Variants in ZFYVE28 observed in about 807,000 individuals in gnomAD.
The protein encoded by ZFYVE28 is zinc finger FYVE-type containing 28, also known as lateral signaling target protein 2 homolog.
A neutral mutation model predicts 82.1 loss-of-function variants in ZFYVE28; 40 were observed. That is an observed-to-expected ratio of 0.49 (90% CI 0.38 to 0.63). The LOEUF (loss-of-function observed/expected upper bound fraction) is 0.63, where lower values mean the gene tolerates loss of function less well. Ranked by LOEUF, ZFYVE28 falls within the 30% of genes least tolerant of loss-of-function variation. ZFYVE28 has a pLI of 0.00. For missense variants in ZFYVE28, 1,321 were observed against 1,242.1 expected, an observed-to-expected ratio of 1.06 and a Z score of -0.96; for synonymous variants, 612 against 546.1, an observed-to-expected ratio of 1.12 and a Z score of -1.68.
In ZFYVE28 at chr4:2,271,358, G is replaced by A; in HGVS notation, c.2485C>T (p.Pro829Ser). The change falls in exon 12 of 13, where the codon CCC (proline) becomes TCC (serine). Residue 829 changes from proline (P) to serine (S), a missense_variant. Transcript: ENST00000290974. ...ACGFCTACKA[P>S]FTVIRRKHHC... ...TGCTTCCGGCGGATGACGGTGAAGGGTGCTTTGCACGCCGTGCAGAAGCCA... is the reference window on the plus strand; with the variant it reads ...TGCTTCCGGCGGATGACGGTGAAGGATGCTTTGCACGCCGTGCAGAAGCCA... The A allele has an allele frequency of 6.2e-7, 1 of 1,612,806 alleles. No homozygotes were observed. The highest frequency in any genetic ancestry group is 8.5e-7 in the Non-Finnish European group (1 of 1,179,960).
In ZFYVE28 at chr4:2,409,104, C is replaced by T. The variant is rs554771370; in HGVS notation, c.39+9181G>A. 2.2e-3 allele frequency among the ~76,000 whole-genome samples: 334 copies of T among 151,752 alleles called. 4 individuals are homozygous for T. The highest frequency in any genetic ancestry group is 7.6e-3 in the African/African-American group (315 of 41,316). ...GAACGCCCCTGGCCCCCCACCCTCA[C>T]ATTCCCCGTGGAGTTGCATGGCCAT... On this transcript the variant is annotated intron_variant, in intron 1 of 12. Coordinates refer to ENST00000290974, the MANE Select transcript of ZFYVE28 (RefSeq NM_020972.3). This position sits in a 1 kb window ranked among gnomAD's most constrained non-coding sequence, Gnocchi z 4.4.
intron 1 of ZFYVE28, among the ~76,000 whole-genome samples, chr4:2,383,836 G>A (rs1728971717): frequency 6.6e-6 from 1 of 152,224 alleles, no homozygotes. Context: ...TTCTCTGTGT[G>A]TGGTGTCGCT....
At chr4:2,317,871 G>A (rs1718459696) in intron 7 of ZFYVE28, among the ~76,000 whole-genome samples, 2 of 152,294 alleles carry the variant, frequency 1.3e-5, no homozygotes, top group Admixed American at 1.3e-4. Context: ...GACCTCAGGT[G>A]ATCCATCCGC....
chr4:2,333,735 AC>A (rs1162377691), intron 6 of ZFYVE28, among the ~76,000 whole-genome samples: 2 of 152,298 alleles, frequency 1.3e-5, no homozygotes, highest in African/African-American at 4.8e-5. Flanking sequence ...GGACAAGGAG[AC>A]ACCTGTACCT....
chr4:2,386,784 A>G (rs1333450052), intron 1 of ZFYVE28, among the ~76,000 whole-genome samples: 3 of 152,238 alleles, frequency 2.0e-5, no homozygotes, highest in Non-Finnish European at 4.4e-5. Context: ...CAGGTATTTC[A>G]TTAAAGCAAC....
At chr4:2,383,990 AC>A (rs1344602622) in intron 1 of ZFYVE28, among the ~76,000 whole-genome samples, 1 of 152,214 alleles carries the variant, frequency 6.6e-6, no homozygotes, top group Non-Finnish European at 1.5e-5. Context: ...TGTCCCCATC[AC>A]CCTGAAGTGT....
Position 2,376,064 on chromosome 4 carries a change from G to T in ZFYVE28, c.40-21991C>A, listed in dbSNP as rs1229606597. ...AATTTTTTGTATTTTTAGTAGAGAC[G>T]AGGTTTCACCATGTTGGCCAGGATG... On this transcript the variant is annotated intron_variant, in intron 1 of 12. Coordinates refer to ENST00000290974, the MANE Select transcript of ZFYVE28 (RefSeq NM_020972.3). Among the ~76,000 whole-genome samples the T allele has an allele frequency of 6.6e-5, 10 of 151,854 alleles. No homozygotes were observed. In the East Asian group the frequency reaches 2.0e-3, roughly 30 times the overall value.
At chr4:2,367,339 G>A (rs1726989733) in intron 1 of ZFYVE28, among the ~76,000 whole-genome samples, 1 of 151,456 alleles carries the variant, frequency 6.6e-6, no homozygotes, top group Non-Finnish European at 1.5e-5. Context: ...CACTGTGCTA[G>A]CAGGGTGCCC....
intron 11 of ZFYVE28, 46 bp from the exon 12 acceptor site, chr4:2,271,460 T>C: frequency 6.3e-7 from 1 of 1,592,892 alleles, no homozygotes; most frequent in Non-Finnish European, 8.6e-7. Context: ...CAGGAGCAGG[T>C]GGGCTGGGCC....
At chr4:2,391,375 C>CGTTTACCT (rs1392887901) in intron 1 of ZFYVE28, among the ~76,000 whole-genome samples, 1 of 150,918 alleles carries the variant, frequency 6.6e-6, no homozygotes, top group Non-Finnish European at 1.5e-5. Context: ...TGTTCCCATA[C>CGTTTACCT]GTTTACCTCT....
chr4:2,418,286 T>G lies in ZFYVE28; in HGVS notation c.38A>C (p.Lys13Thr). The G allele has an allele frequency of 6.5e-7, 1 of 1,536,982 alleles. No individual in the cohort carries two copies. The highest frequency in any genetic ancestry group is 8.8e-7 in the Non-Finnish European group (1 of 1,140,884). Residue 13 changes from lysine to threonine, a missense_variant and splice_region_variant, in exon 1 of 13, where the codon AAG (lysine) becomes ACG (threonine). Physicochemically the swap from Lys to Thr is moderately conservative, Grantham distance 78. Coordinates refer to ENST00000290974, the MANE Select transcript of ZFYVE28 (RefSeq NM_020972.3). The surrounding 1 kb of genome is among the most constrained non-coding windows in gnomAD (Gnocchi z 4.6). Reference sequence around the variant, plus strand: ...TCCGGCCCGAGCGGGGCCGCTCACCTTGGGTTTGTAGAGCCACTTTCGGAA... The same window carrying G: ...TCCGGCCCGAGCGGGGCCGCTCACCGTGGGTTTGTAGAGCCACTTTCGGAA... ...NRFRKWLYKP[K>T]RSDPQLLARF...
chr4:2,337,475 A>G lies in ZFYVE28; in HGVS notation c.543T>C (p.Pro181=). The G allele has an allele frequency of 6.2e-7, 1 of 1,608,992 alleles. No homozygotes were observed. Among genetic ancestry groups the G allele is most frequent in the South Asian group, 1.1e-5 (1 of 89,890 alleles). Residue 181 remains proline (P), a synonymous_variant, in exon 5 of 13, where the codon CCT becomes CCC. Coordinates refer to ENST00000290974, the MANE Select transcript of ZFYVE28 (RefSeq NM_020972.3). The part of the protein sequence containing the change: ...FELSYVSAMV[P]VKSPREYYVQ... ...CGTAGTACTCCCTGGGGGACTTCAC[A>G]GGCACCATGGCCGAGACGTAGCTGC...
chr4:2,399,092 T>TCCAGGGCACAAGCGTGGAGGTGAGAG (rs1176196287), intron 1 of ZFYVE28, among the ~76,000 whole-genome samples: 9 of 22,468 alleles, frequency 4.0e-4, no homozygotes, highest in African/African-American at 6.2e-4. Context: ...GAAGGTGAGA[T>TCCAGGGCACAAGCGTGGAGGTGAGAG]CCAGGGCACA....
rs201518417 is a variant in ZFYVE28 at position 2,270,870 on chromosome 4, G to A, written c.2533-14C>T. The A allele has an allele frequency of 6.2e-7, 1 of 1,611,778 alleles. No homozygotes were observed. Among genetic ancestry groups the A allele is most frequent in the East Asian group, 2.2e-5 (1 of 44,842 alleles). On this transcript the variant is annotated splice_polypyrimidine_tract_variant and intron_variant, in intron 12 of 12. Transcript: ENST00000290974. ...CGAGCAGAAGATCTGGAATGGGGTTGGGGCAGTGAGGGTCTGCGGCAGACC... is the reference window on the plus strand; with the variant it reads ...CGAGCAGAAGATCTGGAATGGGGTTAGGGCAGTGAGGGTCTGCGGCAGACC...
intron 6 of ZFYVE28, chr4:2,330,695 G>A: frequency 6.9e-7 from 1 of 1,450,074 alleles, no homozygotes; most frequent in Non-Finnish European, 9.1e-7. Flanking sequence ...AGAGGACACT[G>A]GAGCAGAGGG....
intron 1 of ZFYVE28, among the ~76,000 whole-genome samples, chr4:2,393,268 G>C (rs116523802): frequency 5.1e-4 from 77 of 152,342 alleles, no homozygotes; most frequent in African/African-American, 1.8e-3. Flanking sequence ...CAGAACACCT[G>C]CCTTCCCCTT....
At chr4:2,397,922 C>T (rs1455355399) in intron 1 of ZFYVE28, among the ~76,000 whole-genome samples, 1 of 150,422 alleles carries the variant, frequency 6.6e-6, no homozygotes, top group Non-Finnish European at 1.5e-5. Context: ...GAAGGATGTG[C>T]AGTGAGAAAC....
chr4:2,355,951 C>T (rs182005716), intron 1 of ZFYVE28, among the ~76,000 whole-genome samples: 28 of 152,314 alleles, frequency 1.8e-4, no homozygotes, highest in Middle Eastern at 6.8e-3. Context: ...TATACCAAAT[C>T]GCGCACAGTT....
rs1225544327 is a variant in ZFYVE28, at chr4:2,346,351, A to AAAAG, written c.181-4740_181-4737dup. Among the ~76,000 whole-genome samples the AAAAG allele has an allele frequency of 5.0e-4, 75 of 149,228 alleles. 1 individual carries two copies. Among genetic ancestry groups the AAAAG allele is most frequent in the African/African-American group, 1.6e-3 (64 of 40,234 alleles). On this transcript the variant is annotated intron_variant, in intron 2 of 12. Transcript: ENST00000290974. ...AGCGAGACTCCATCTCAAAAAAAAA[A>AAAAG]AAAGAAAGAAAGAAAGAAAGAAATT...
Sources: allele counts gnomAD v4.1 joint callset (sites outside exome capture counted in the v4.1 genomes callset), GRCh38; gene constraint gnomAD v4.1.1; non-coding constraint Gnocchi (gnomAD v3.1); transcripts MANE v1.5; gene names NCBI Gene and HGNC (gene_info 2026-07-23, HGNC 2026-07-21).